The following TECTA variants were observed in gnomAD, a reference collection of about 807,000 sequenced individuals.
The protein encoded by TECTA is alpha-tectorin.
A neutral mutation model predicts 216.8 loss-of-function variants in TECTA; 128 were observed. The ratio of observed to expected loss-of-function variants is 0.59; its 90% confidence interval spans 0.51 to 0.68. TECTA has a LOEUF of 0.68. Ranked by LOEUF, TECTA falls within the 30% of genes least tolerant of loss-of-function variation. TECTA has a pLI of 0.00. For missense variants in TECTA, 2,551 were observed against 2,786.2 expected (o/e 0.92, Z 1.90); for synonymous variants, 1,089 against 1,117.1 (o/e 0.97, Z 0.50).
At chr11:121,156,747 A>G (rs987411661) in intron 13 of TECTA, among the ~76,000 whole-genome samples, 3 of 152,094 alleles carry the variant, frequency 2.0e-5, no homozygotes, top group Admixed American at 2.0e-4. Context: ...CTTCCACCTC[A>G]ACCTCCCAAA....
intron 20 of TECTA, among the ~76,000 whole-genome samples, chr11:121,186,100 G>C (rs1286512741): frequency 8.7e-6 from 1 of 114,324 alleles, no homozygotes; most frequent in South Asian, 3.2e-4. Flanking sequence ...CTTAATGAAT[G>C]AGTAGGGAAA....
At chr11:121,137,158 T>A (rs548134223) in intron 10 of TECTA, among the ~76,000 whole-genome samples, 2 of 151,752 alleles carry the variant, frequency 1.3e-5, no homozygotes, top group South Asian at 4.2e-4. Flanking sequence ...ACATGCACAC[T>A]CGCATGCACA....
Position 121,189,090 on chromosome 11 carries a change from A to C in TECTA, c.6173A>C (p.His2058Pro). Residue 2058 changes from histidine (H) to proline (P), a missense_variant, in exon 22 of 24, where the codon CAC becomes CCC. Physicochemically the swap from His to Pro is moderately conservative, Grantham distance 77 (BLOSUM62 -2). This residue lies in a region of TECTA where 118 missense variants were observed against 116.4 expected (regional missense o/e 1.01). Coordinates refer to ENST00000392793, the MANE Select transcript of TECTA (RefSeq NM_005422.4). ...EKYSCKITCP[H>P]NSRIATDYTK... The stretch of plus-strand genomic sequence containing the variant: ...TATTCTGTCTTGCAGACTTGCCCAC[A>C]CAATTCCAGGATTGCCACAGATTAC... 5 of 1,614,180 alleles carry C rather than the reference A, an allele frequency of 3.1e-6. No individual in the cohort carries two copies. Among genetic ancestry groups the C allele is most frequent in the Non-Finnish European group, 4.2e-6 (5 of 1,180,002 alleles).
Position 121,113,642 on chromosome 11 carries a change from C to A in TECTA, c.714C>A (p.Asn238Lys), listed in dbSNP as rs148478527. 6.2e-7 allele frequency: 1 copy of A among 1,613,952 alleles called. No individual in the cohort carries two copies. Among genetic ancestry groups the A allele is most frequent in the South Asian group, 1.1e-5 (1 of 91,050 alleles). Reference sequence around the variant, plus strand: ...TCGTGAATATCCAGGAGACCACAAACGTCAATGTTCCAGGCCGCTGGGCAT... The same window carrying A: ...TCGTGAATATCCAGGAGACCACAAAAGTCAATGTTCCAGGCCGCTGGGCAT... ...PEIVNIQETT[N>K]VNVPGRWAFK... Residue 238 changes from asparagine (N) to lysine (K), a missense_variant, in exon 6 of 24, where the codon AAC becomes AAA. By Grantham distance (94) the Asn-to-Lys change is moderately conservative. Around this residue, in one of 3 missense-constraint regions of TECTA, gnomAD observed 2,375 missense variants for 2,563.9 expected, o/e 0.93. Transcript: ENST00000392793. This position sits in a 1 kb window ranked among gnomAD's most constrained non-coding sequence, Gnocchi z 4.2.
At chr11:121,108,819 ACACT>A (rs942166011) in intron 3 of TECTA, among the ~76,000 whole-genome samples, 4 of 82,432 alleles carry the variant, frequency 4.9e-5, no homozygotes, top group African/African-American at 1.8e-4. Context: ...ACACAAACAC[ACACT>A]CACGCACCTC....
chr11:121,166,631 G>A lies in TECTA; in HGVS notation c.5437G>A (p.Val1813Met). 6.2e-7 allele frequency: 1 copy of A among 1,614,214 alleles called. No individual in the cohort carries two copies. The change falls in exon 18 of 24, where the codon GTG (valine) becomes ATG (methionine). Residue 1813 changes from valine to methionine, a missense_variant. Coordinates refer to ENST00000392793, the MANE Select transcript of TECTA (RefSeq NM_005422.4). The stretch of plus-strand genomic sequence containing the variant: ...GACCTGCAAAGCAGCCCAAATGGAA[G>A]TGTCCATATCTAAGTGCAAGCTCTT... Reference protein sequence around the residue: ...EVTCKAAQMEVSISKCKLFQL... With the variant: ...EVTCKAAQMEMSISKCKLFQL...
At chr11:121,132,139 G>T (rs142969011) in intron 10 of TECTA, among the ~76,000 whole-genome samples, 70 of 152,180 alleles carry the variant, frequency 4.6e-4, no homozygotes, top group African/African-American at 1.6e-3. Context: ...TTGTGAAATG[G>T]CAATTTTTTT....
At chr11:121,177,071 T>G (rs1947174889) in intron 20 of TECTA, among the ~76,000 whole-genome samples, 1 of 152,212 alleles carries the variant, frequency 6.6e-6, no homozygotes, top group South Asian at 2.1e-4. Flanking sequence ...TAGTTATACA[T>G]TCGTCTAAAT....
At position 121,128,359 on chromosome 11, in the gene TECTA, T is replaced by TC; in HGVS notation, c.2367+17dup. The TC allele has an allele frequency of 6.3e-7, 1 of 1,598,450 alleles. No individual in the cohort carries two copies. Among genetic ancestry groups the TC allele is most frequent in the Non-Finnish European group, 8.5e-7 (1 of 1,179,382 alleles). On this transcript the variant is annotated intron_variant, in intron 9 of 23. Coordinates refer to ENST00000392793, the MANE Select transcript of TECTA (RefSeq NM_005422.4). Reference sequence around the variant, plus strand: ...CGGAAGTCAAGGTAAGGCTCCTTGCTCCTTTGGAGGGGTTCCTGGTACGTC... The same window carrying TC: ...CGGAAGTCAAGGTAAGGCTCCTTGCTCCCTTTGGAGGGGTTCCTGGTACGTC...
At chr11:121,116,907 C>T (rs1436674518) in intron 6 of TECTA, among the ~76,000 whole-genome samples, 1 of 152,172 alleles carries the variant, frequency 6.6e-6, no homozygotes, top group Non-Finnish European at 1.5e-5. Context: ...AGGGCTGATG[C>T]ACATGACTTA....
rs202104412 is a variant in TECTA at position 121,168,766 on chromosome 11, G to A, written c.5840G>A (p.Arg1947His). The A allele has an allele frequency of 6.8e-6, 11 of 1,614,090 alleles. No individual in the cohort carries two copies. Among genetic ancestry groups the A allele is most frequent in the Middle Eastern group, 1.6e-4 (1 of 6,062 alleles). The change falls in exon 20 of 24, where the codon CGC (arginine) becomes CAC (histidine). Residue 1947 changes from arginine (R) to histidine (H), a missense_variant. Coordinates refer to ENST00000392793, the MANE Select transcript of TECTA (RefSeq NM_005422.4). The part of the protein sequence containing the change: ...YKNASYKHPY[R>H]QGEVVLTTRD... ...AACGCCTCCTACAAACATCCTTACC[G>A]CCAGGGTGAAGTAGTGTTGACGACT...
At chr11:121,188,207 C>T (rs371822544) in intron 21 of TECTA, among the ~76,000 whole-genome samples, 1 of 152,182 alleles carries the variant, frequency 6.6e-6, no homozygotes, top group Non-Finnish European at 1.5e-5. Context: ...ATTGGCTTAA[C>T]GCTAGACTAG....
Position 121,189,887 on chromosome 11 carries a change from ACT to A in TECTA, c.6367+10_6367+11del. On this transcript the variant is annotated splice_region_variant and intron_variant, in intron 23 of 23. Transcript: ENST00000392793. ...GACGGCAAGAGCTGCAGAGGTAGAC[ACT>A]CTTCTACCCTGGGGCAGGCAGCTGG... is the stretch of plus-strand genomic sequence containing the variant. 6.2e-7 allele frequency: 1 copy of A among 1,603,926 alleles called. No homozygotes were observed. Among genetic ancestry groups the A allele is most frequent in the Non-Finnish European group, 8.5e-7 (1 of 1,172,380 alleles).
chr11:121,181,784 GTTC>G (rs1340630519), intron 20 of TECTA, among the ~76,000 whole-genome samples: 1 of 152,160 alleles, frequency 6.6e-6, no homozygotes, highest in Non-Finnish European at 1.5e-5. Flanking sequence ...GAATTATTGT[GTTC>G]TTATTGTGTC....
rs200749722 is a variant in TECTA, at chr11:121,128,299, C to T, written c.2322C>T (p.Ala774=). The stretch of plus-strand genomic sequence containing the variant: ...TGCGGGGACTTCGGATCCTGGTGGC[C>T]GACCAGGAGGTCAAGATAGGAGGCA... ...AWLRGLRILV[A]DQEVKIGGIG... Residue 774 remains alanine (A), a synonymous_variant, in exon 9 of 24, where the codon GCC becomes GCT. Coordinates refer to ENST00000392793, the MANE Select transcript of TECTA (RefSeq NM_005422.4). 1.8e-5 allele frequency: 29 copies of T among 1,599,716 alleles called. No homozygotes were observed. The Admixed American group carries it at 2.5e-4, about 14-fold the overall frequency.
Position 121,160,239 on chromosome 11 carries a change from A to G in TECTA, c.4794A>G (p.Ile1598Met), listed in dbSNP as rs148568082. ...LVIDTSPDIQ[I>M]YYNGFNVIKI... ...TTGACACCAGCCCAGACATCCAGAT[A>G]TACTACAATGGTTTCAACGTCATTA... The change falls in exon 15 of 24, where the codon ATA becomes ATG. Residue 1598 changes from isoleucine to methionine, a missense_variant. By Grantham distance (10) the Ile-to-Met change is conservative (BLOSUM62 1). Coordinates refer to ENST00000392793, the MANE Select transcript of TECTA (RefSeq NM_005422.4). The G allele has an allele frequency of 4.3e-6, 7 of 1,614,234 alleles. No individual in the cohort carries two copies. Among genetic ancestry groups the G allele is most frequent in the Middle Eastern group, 1.6e-4 (1 of 6,062 alleles).
chr11:121,189,673 C>T (rs1947322973), intron 22 of TECTA, 91 bp from the exon 23 acceptor site: 8 of 1,312,888 alleles, frequency 6.1e-6, no homozygotes, highest in Non-Finnish European at 8.8e-6. Flanking sequence ...CGCGCCCAGC[C>T]TGTCCTCCTC....
intron 10 of TECTA, among the ~76,000 whole-genome samples, chr11:121,130,413 A>G (rs1946662674): frequency 6.6e-6 from 1 of 152,044 alleles, no homozygotes; most frequent in Admixed American, 6.6e-5. Context: ...TTTTTTTCCT[A>G]ACTGCACAGT....
intron 17 of TECTA, among the ~76,000 whole-genome samples, 192 bp downstream of exon 17, chr11:121,165,575 C>T (rs1591462957): frequency 6.6e-6 from 1 of 152,192 alleles, no homozygotes; most frequent in African/African-American, 2.4e-5. Flanking sequence ...TACATTATAA[C>T]ACACAAATTT....
Sources: gnomAD v4.1 joint callset for allele counts (sites outside exome capture counted in the v4.1 genomes callset) on GRCh38, gnomAD v4.1.1 for gene constraint, gnomAD v4.1.1 regional missense constraint, Gnocchi (gnomAD v3.1) non-coding constraint, MANE v1.5 for transcripts, NCBI Gene and HGNC (gene_info 2026-07-23, HGNC 2026-07-21) for gene names.